Variants in ARHGEF16 observed in about 807,000 individuals in gnomAD.
ARHGEF16 encodes Rho guanine nucleotide exchange factor 16, also known as Rho guanine exchange factor (GEF) 16.
ARHGEF16 carries 59 observed loss-of-function variants against 74.1 expected under a neutral mutation model. That is an observed-to-expected ratio of 0.80 (90% CI 0.65 to 0.99). The LOEUF is 0.99. Among genes scored for constraint, ARHGEF16 ranks in the 50% least tolerant of loss-of-function variants. The probability of loss-of-function intolerance (pLI) is 0.00; values close to 1 mark genes in which losing one functional copy is unlikely to be tolerated. For synonymous variants in ARHGEF16, 415 were observed against 412.6 expected (o/e 1.01, Z -0.07); for missense variants, 948 against 986.6 (o/e 0.96, Z 0.52).
intron 12 of ARHGEF16, 89 bp from the exon 13 acceptor site, chr1:3,479,427 CG>C: frequency 7.1e-7 from 1 of 1,411,446 alleles, no homozygotes; most frequent in Non-Finnish European, 9.8e-7. Context: ...CTCCTTGCCA[CG>C]GCCCCCATGG....
At position 3,477,969 on chromosome 1, in the gene ARHGEF16, G is replaced by A. The variant is rs147069493; in HGVS notation, c.1568G>A (p.Arg523Gln). 1.0e-3 allele frequency: 1,679 copies of A among 1,612,636 alleles called. 6 individuals are homozygous for A. Among genetic ancestry groups the A allele is most frequent in the Non-Finnish European group, 6.2e-4 (728 of 1,179,882 alleles). ...ETGLFRKIAS[R>Q]PTCYLFLFND... The stretch of plus-strand genomic sequence containing the variant: ...GGACTTTTTCGAAAAATTGCCAGCC[G>A]GCCAACGTGCTACCTTTTCCTGTTC... The change falls in exon 11 of 15, where the codon CGG becomes CAG. Residue 523 changes from arginine to glutamine, a missense_variant. Arg to Gln is a conservative substitution (Grantham distance 43, BLOSUM62 1). Coordinates refer to ENST00000378378, the MANE Select transcript of ARHGEF16 (RefSeq NM_014448.4).
chr1:3,471,297 T>C (rs998022184), intron 6 of ARHGEF16, among the ~76,000 whole-genome samples: 2 of 151,986 alleles, frequency 1.3e-5, no homozygotes, highest in African/African-American at 4.8e-5. Context: ...GGGAGATGAT[T>C]AGGGGCCTGT....
chr1:3,455,720 C>T (rs1174924150), intron 1 of ARHGEF16, among the ~76,000 whole-genome samples: 1 of 152,134 alleles, frequency 6.6e-6, no homozygotes, highest in Non-Finnish European at 1.5e-5. Flanking sequence ...GGTCCAGGTG[C>T]TGTGCCTGGC....
In ARHGEF16 at chr1:3,478,489, C is replaced by G; in HGVS notation, c.1691C>G (p.Pro564Arg). 6.2e-7 allele frequency: 1 copy of G among 1,612,590 alleles called. No homozygotes were observed. The highest frequency in any genetic ancestry group is 8.5e-7 in the Non-Finnish European group (1 of 1,179,822). ...MNHIQVEKIEPSELPLPGGGN... is the reference protein window; with the variant it reads ...MNHIQVEKIERSELPLPGGGN... Reference sequence around the variant, plus strand: ...CACATCCAGGTGGAGAAGATAGAGCCGTCTGAGCTCCCTCTGCCCGGGGGC... The same window carrying G: ...CACATCCAGGTGGAGAAGATAGAGCGGTCTGAGCTCCCTCTGCCCGGGGGC... The change falls in exon 12 of 15, where the codon CCG becomes CGG. Residue 564 changes from proline (P) to arginine (R), a missense_variant. By Grantham distance (103) the Pro-to-Arg change is moderately radical. Transcript: ENST00000378378.
At position 3,478,584 on chromosome 1, in the gene ARHGEF16, G is replaced by GAGC. The variant is rs1639963393; in HGVS notation, c.1790_1792dup (p.Gln597dup). 1.9e-6 allele frequency: 3 copies of GAGC among 1,612,012 alleles called. No homozygotes were observed. The African/African-American group carries it at 4.0e-5, about 22-fold the overall frequency. On this transcript the variant is annotated inframe_insertion, in exon 12 of 15. Coordinates refer to ENST00000378378, the MANE Select transcript of ARHGEF16 (RefSeq NM_014448.4). Reference sequence around the variant, plus strand: ...GCTTCGCAACAGCGAGGGCCGCCAGGAGCAGCTCCTGCTCTCCTCGGACTC... The same window carrying GAGC: ...GCTTCGCAACAGCGAGGGCCGCCAGGAGCAGCAGCTCCTGCTCTCCTCGGACTC...
intron 4 of ARHGEF16, 114 bp from the exon 5 acceptor site, chr1:3,468,766 T>C (rs2493249): frequency 0.99 from 1,224,195 of 1,234,840 alleles, 607,106 homozygotes; most frequent in East Asian, 1. Flanking sequence ...ACCTGAGCCC[T>C]GTGGGGTGGC....
chr1:3,474,721 AG>A lies in ARHGEF16; in HGVS notation c.1320del (p.Thr441ProfsTer15), dbSNP rs1316228727. 1 of 1,612,766 alleles carries A rather than the reference AG, an allele frequency of 6.2e-7. No individual in the cohort carries two copies. Among genetic ancestry groups the A allele is most frequent in the Non-Finnish European group, 8.5e-7 (1 of 1,179,968 alleles). ...TTGTCCATCCAGACGCTCTGCCTCA[AG>A]ACCCAGGGCCACTCCGAAAGGTACA... The part of the protein sequence containing the change: ...LPLLMDTLCL[K>X]TQGHSERYKA... On this transcript the variant is annotated frameshift_variant, in exon 9 of 15. Transcript: ENST00000378378. LOFTEE classifies it high-confidence loss of function.
At chr1:3,473,719 G>A in intron 8 of ARHGEF16, 197 bp downstream of exon 8, 1 of 907,438 alleles carries the variant, frequency 1.1e-6, no homozygotes, top group Non-Finnish European at 1.6e-6. Flanking sequence ...AGAGCTCACT[G>A]TGCCGGGAAC....
At position 3,463,687 on chromosome 1, in the gene ARHGEF16, G is replaced by A. The variant is rs551444254; in HGVS notation, c.588+15G>A. On this transcript the variant is annotated intron_variant, in intron 2 of 14. Transcript: ENST00000378378. ...CCAAAAACAAGGTAGGGGCCTGCTC[G>A]TGTGGACCGTGGGGAGGGGGCTGCT... 2.5e-5 allele frequency: 35 copies of A among 1,393,980 alleles called. No individual in the cohort carries two copies. In the African/African-American group the frequency reaches 3.8e-4, roughly 15 times the overall value. 86.4% of individuals were successfully genotyped at this position (1,393,980 alleles called of 1,614,324 possible). A position where few individuals can be genotyped will look rare whatever the true frequency, so the allele number is the denominator to read the frequency against.
rs1008398317 is a variant in ARHGEF16, at chr1:3,468,484, G to A, written c.805-396G>A. 12 of 229,900 alleles carry A rather than the reference G, an allele frequency of 5.2e-5. No individual in the cohort carries two copies. The South Asian group carries it at 6.5e-4, about 13-fold the overall frequency. The allele number at this position is 229,900 out of a possible 1,614,324, so 14.2% of individuals were successfully genotyped here. A position where few individuals can be genotyped will look rare whatever the true frequency, so the allele number is the denominator to read the frequency against. On this transcript the variant is annotated intron_variant, in intron 4 of 14. Transcript: ENST00000378378. ...TAGCTTCCAGGCAGGGCACTGACTC[G>A]CCTCGCCCAGGTGGGGTCTGAGTCA...
chr1:3,461,896 G>A (rs1442447953), intron 1 of ARHGEF16, among the ~76,000 whole-genome samples: 3 of 152,214 alleles, frequency 2.0e-5, no homozygotes, highest in South Asian at 2.1e-4. Flanking sequence ...TGGCAGGCAC[G>A]TATGTCCCAA....
chr1:3,466,022 C>A, intron 2 of ARHGEF16, 126 bp from the exon 3 acceptor site: 1 of 1,046,634 alleles, frequency 9.6e-7, no homozygotes, highest in Non-Finnish European at 1.4e-6. Context: ...CCCTGTGGAG[C>A]TGACATCTAT....
In ARHGEF16 at chr1:3,467,257, G is replaced by A. The variant is rs763267254; in HGVS notation, c.724G>A (p.Glu242Lys). 1.4e-5 allele frequency: 21 copies of A among 1,550,352 alleles called. No individual in the cohort carries two copies. The highest frequency in any genetic ancestry group is 4.9e-5 in the East Asian group (2 of 40,928). ...DDILDESSSP[E>K]GTQKVDATIV... ...CATCCTCGATGAGTCCTCCAGCCCC[G>A]AGGGAACCCAGAAGGTGGACGCCAC... is the stretch of plus-strand genomic sequence containing the variant. Residue 242 changes from glutamate (E) to lysine (K), a missense_variant, in exon 4 of 15, where the codon GAG becomes AAG. Glu to Lys is a moderately conservative substitution (Grantham distance 56). Coordinates refer to ENST00000378378, the MANE Select transcript of ARHGEF16 (RefSeq NM_014448.4).
chr1:3,470,281 GGTGT>G (rs1413570285), intron 6 of ARHGEF16, among the ~76,000 whole-genome samples: 2 of 150,640 alleles, frequency 1.3e-5, no homozygotes, highest in African/African-American at 4.9e-5. Context: ...CATGGGCAAG[GGTGT>G]GTATGCATGG....
intron 10 of ARHGEF16, 127 bp downstream of exon 10, chr1:3,476,189 G>C: frequency 1.0e-6 from 1 of 972,468 alleles, no homozygotes; most frequent in East Asian, 2.8e-5. Flanking sequence ...CATGAGGCCT[G>C]GGGGCTGGGC....
intron 8 of ARHGEF16, chr1:3,473,774 A>C (rs1639806345): frequency 1.6e-6 from 1 of 622,954 alleles, no homozygotes; most frequent in Non-Finnish European, 2.7e-6. Context: ...TCAATGGTTC[A>C]TGAGGTTCAG....
chr1:3,463,641 A>G lies in ARHGEF16; in HGVS notation c.557A>G (p.Gln186Arg). The G allele has an allele frequency of 5.6e-6, 8 of 1,421,658 alleles. No individual in the cohort carries two copies. Among genetic ancestry groups the G allele is most frequent in the Non-Finnish European group, 7.4e-6 (8 of 1,082,204 alleles). 88.1% of individuals were successfully genotyped at this position (1,421,658 alleles called of 1,614,324 possible). A position where few individuals can be genotyped will look rare whatever the true frequency, so the allele number is the denominator to read the frequency against. The stretch of plus-strand genomic sequence containing the variant: ...CAGGCTCTGGCTGAGGAACCCAGCC[A>G]GCCTCATACTCGGAGCCCGGCCAAA... ...KLQALAEEPS[Q>R]PHTRSPAKNK... Residue 186 changes from glutamine to arginine, a missense_variant, in exon 2 of 15, where the codon CAG becomes CGG. Transcript: ENST00000378378.
rs924346370 is a variant in ARHGEF16 at position 3,467,242 on chromosome 1, G to A, written c.709G>A (p.Glu237Lys). 1.2e-5 allele frequency: 19 copies of A among 1,550,434 alleles called. No homozygotes were observed. The African/African-American group carries it at 1.8e-4, about 15-fold the overall frequency. The change falls in exon 4 of 15, where the codon GAG becomes AAG. Residue 237 changes from glutamate to lysine, a missense_variant. Physicochemically the swap from Glu to Lys is moderately conservative, Grantham distance 56. Transcript: ENST00000378378. ...GGAGTCTGATGACGACATCCTCGAT[G>A]AGTCCTCCAGCCCCGAGGGAACCCA... is the stretch of plus-strand genomic sequence containing the variant. ...SQESDDDILD[E>K]SSSPEGTQKV...
chr1:3,474,625 C>T, intron 8 of ARHGEF16, 83 bp from the exon 9 acceptor site: 1 of 1,368,836 alleles, frequency 7.3e-7, no homozygotes, highest in Non-Finnish European at 1.0e-6. Flanking sequence ...CCTGCAGCCC[C>T]ACACGGGGTC....
Sources: gnomAD v4.1 joint callset for allele counts (sites outside exome capture counted in the v4.1 genomes callset) on GRCh38, gnomAD v4.1.1 for gene constraint, MANE v1.5 for transcripts, NCBI Gene and HGNC (gene_info 2026-07-23, HGNC 2026-07-21) for gene names.